Variants in KCNN2 observed in about 807,000 individuals in gnomAD.
KCNN2 encodes the protein small conductance calcium-activated potassium channel protein 2.
Under a neutral mutation model 55.5 loss-of-function variants are expected in KCNN2, and 24 were observed. The ratio of observed to expected loss-of-function variants is 0.43; its 90% CI spans 0.31 to 0.61. KCNN2 has a LOEUF of 0.61. Ranked by LOEUF, KCNN2 falls within the 20% of genes least tolerant of loss-of-function variation. The pLI, the probability that KCNN2 is intolerant of heterozygous loss-of-function variation, is 0.08. For missense variants in KCNN2, 754 were observed against 853.6 expected, an observed-to-expected ratio of 0.88 and a Z score of 1.45; for synonymous variants, 431 against 336.1, an observed-to-expected ratio of 1.28 and a Z score of -3.09.
intron 1 of KCNN2, among the ~76,000 whole-genome samples, chr5:114,175,138 T>C (rs1294829273): frequency 6.6e-6 from 1 of 152,216 alleles, no homozygotes; most frequent in East Asian, 1.9e-4. Flanking sequence ...AATGTTTTTC[T>C]AAAAAGATTA....
chr5:114,302,065 C>A (rs1756177519), intron 2 of KCNN2, among the ~76,000 whole-genome samples: 1 of 152,154 alleles, frequency 6.6e-6, no homozygotes, highest in Non-Finnish European at 1.5e-5. Flanking sequence ...TTTTGTTCTA[C>A]CTTCCTAAAA....
At chr5:114,364,939 T>C (rs1757557687) in intron 2 of KCNN2, among the ~76,000 whole-genome samples, 1 of 151,972 alleles carries the variant, frequency 6.6e-6, no homozygotes, top group South Asian at 2.1e-4. Flanking sequence ...CATTTGGTGG[T>C]ACTTTGAGAC....
At chr5:114,491,444 C>A (rs1208829990) in intron 6 of KCNN2, among the ~76,000 whole-genome samples, 2 of 149,530 alleles carry the variant, frequency 1.3e-5, no homozygotes, top group Non-Finnish European at 3.0e-5. Flanking sequence ...AGTTGAAACA[C>A]CGATATTGAA....
At chr5:114,220,934 A>G (rs73254131) in intron 1 of KCNN2, among the ~76,000 whole-genome samples, 5,074 of 152,302 alleles carry the variant, frequency 0.033, 256 homozygotes, top group African/African-American at 0.11. Flanking sequence ...AAATGTAACA[A>G]TGGAAAGAGG....
intron 2 of KCNN2, among the ~76,000 whole-genome samples, chr5:114,276,427 G>T (rs899466068): frequency 2.6e-5 from 4 of 152,102 alleles, no homozygotes; most frequent in Admixed American, 2.0e-4. Flanking sequence ...TTGACAGTGG[G>T]GTGTTAAAGT....
chr5:114,412,080 G>C (rs1275085784), intron 3 of KCNN2, among the ~76,000 whole-genome samples: 1 of 152,190 alleles, frequency 6.6e-6, no homozygotes, highest in African/African-American at 2.4e-5. Flanking sequence ...ATCTCATTTT[G>C]TAACTAGACA....
At chr5:114,235,398 A>T (rs1754469261) in intron 2 of KCNN2, among the ~76,000 whole-genome samples, 1 of 152,238 alleles carries the variant, frequency 6.6e-6, no homozygotes, top group African/African-American at 2.4e-5. Context: ...AGCGTTAAAA[A>T]TGATGAAATT....
chr5:114,247,128 ACTCTGT>A (rs1754762331), intron 2 of KCNN2, among the ~76,000 whole-genome samples: 1 of 148,180 alleles, frequency 6.7e-6, no homozygotes. Context: ...ACATGGTGAA[ACTCTGT>A]CTCTACTAGA....
At chr5:114,399,228 G>C (rs1463424496) in intron 2 of KCNN2, among the ~76,000 whole-genome samples, 1 of 152,144 alleles carries the variant, frequency 6.6e-6, no homozygotes, top group Non-Finnish European at 1.5e-5. Flanking sequence ...TCAATGTCTA[G>C]TTTGTTGAGG....
chr5:114,082,918 AGG>A (rs1750856620), intron 1 of KCNN2, among the ~76,000 whole-genome samples: 1 of 114,278 alleles, frequency 8.8e-6, no homozygotes, highest in African/African-American at 3.4e-5. Flanking sequence ...GAGAGAAATG[AGG>A]AATTATTTTT....
At chr5:114,412,199 A>G (rs1759157612) in intron 3 of KCNN2, among the ~76,000 whole-genome samples, 1 of 152,216 alleles carries the variant, frequency 6.6e-6, no homozygotes, top group African/African-American at 2.4e-5. Context: ...TGCATATGGA[A>G]TATGGGCATT....
At chr5:114,304,297 G>C (rs1381305406) in intron 2 of KCNN2, among the ~76,000 whole-genome samples, 1 of 152,150 alleles carries the variant, frequency 6.6e-6, no homozygotes, top group African/African-American at 2.4e-5. Context: ...TATTGGAGGA[G>C]AGTTGGTGCA....
chr5:114,362,810 G>T lies in KCNN2; in HGVS notation c.671G>T (p.Arg224Leu). Reference sequence around the variant, plus strand: ...TGCAGGTACAACGGGGGCGTCATGCGGCCGCTCAGCAACTTGAGCGCGTCC... The same window carrying T: ...TGCAGGTACAACGGGGGCGTCATGCTGCCGCTCAGCAACTTGAGCGCGTCC... ...SSCRYNGGVM[R>L]PLSNLSASRR... Residue 224 changes from arginine (R) to leucine (L), a missense_variant, in exon 1 of 8, where the codon CGG becomes CTG. Physicochemically the swap from Arg to Leu is moderately radical, Grantham distance 102 (BLOSUM62 -2). This residue lies in a region of KCNN2 where 381 missense variants were observed against 259.1 expected (regional missense o/e 1.47). Coordinates refer to ENST00000673685, the MANE Select transcript of KCNN2 (RefSeq NM_021614.4). 6.3e-7 allele frequency: 1 copy of T among 1,597,736 alleles called. No homozygotes were observed.
intron 1 of KCNN2, among the ~76,000 whole-genome samples, chr5:114,091,639 A>G (rs181133018): frequency 2.0e-5 from 3 of 152,312 alleles, no homozygotes; most frequent in Admixed American, 6.5e-5. Context: ...TTTATAAAGG[A>G]AAGAGGATTA....
At chr5:114,097,766 C>T (rs1456204708) in intron 1 of KCNN2, among the ~76,000 whole-genome samples, 1 of 152,104 alleles carries the variant, frequency 6.6e-6, no homozygotes, top group Non-Finnish European at 1.5e-5. Context: ...CACTAGCTCC[C>T]CCTAGATTTA....
intron 2 of KCNN2, among the ~76,000 whole-genome samples, chr5:114,346,215 A>C (rs1326504485): frequency 1.3e-5 from 2 of 152,222 alleles, no homozygotes; most frequent in Non-Finnish European, 2.9e-5. Flanking sequence ...ACTATTGTGA[A>C]GACAGAATCA....
intron 2 of KCNN2, among the ~76,000 whole-genome samples, chr5:114,237,291 C>CAG: frequency 7.0e-6 from 1 of 142,138 alleles, no homozygotes; most frequent in Admixed American, 7.2e-5. Flanking sequence ...CACACACACA[C>CAG]TCACACACAC....
At chr5:114,276,492 G>A (rs1446257041) in intron 2 of KCNN2, among the ~76,000 whole-genome samples, 1 of 152,068 alleles carries the variant, frequency 6.6e-6, no homozygotes, top group Non-Finnish European at 1.5e-5. Flanking sequence ...CTAAGAATTT[G>A]CTTTATGAAT....
chr5:114,385,722 C>T (rs962028517), intron 2 of KCNN2, among the ~76,000 whole-genome samples: 7 of 151,888 alleles, frequency 4.6e-5, no homozygotes, highest in Non-Finnish European at 1.0e-4. Flanking sequence ...CAAAGGCTGA[C>T]GTAGTTGTCC....
Sources: allele counts gnomAD v4.1 joint callset (sites outside exome capture counted in the v4.1 genomes callset), GRCh38; gene constraint gnomAD v4.1.1; regional missense constraint gnomAD v4.1.1; transcripts MANE v1.5; gene names NCBI Gene and HGNC (gene_info 2026-07-23, HGNC 2026-07-21).